DAB2IP: variants seen among roughly 807,000 people sequenced by gnomAD.
DAB2IP encodes the protein disabled homolog 2-interacting protein.
In DAB2IP, 28 loss-of-function variants were observed where a neutral mutation model predicts 107.2. The ratio of observed to expected loss-of-function variants is 0.26; its 90% CI spans 0.19 to 0.36. DAB2IP has a LOEUF of 0.36. DAB2IP is among the 10% of genes least tolerant of loss of function. The probability of loss-of-function intolerance (pLI) is 1.00; values close to 1 mark genes in which losing one functional copy is unlikely to be tolerated. For synonymous variants in DAB2IP, 755 were observed against 706.4 expected (o/e 1.07, Z -1.09); for missense variants, 1,400 against 1,644.7 (o/e 0.85, Z 2.57).
chr9:121,666,309 T>C (rs1833420330), intron 1 of DAB2IP, among the ~76,000 whole-genome samples: 1 of 152,234 alleles, frequency 6.6e-6, no homozygotes, highest in African/African-American at 2.4e-5. Context: ...ATTAATCACA[T>C]CTGCAAAGTC....
chr9:121,708,086 G>A (rs1443951723), intron 3 of DAB2IP, among the ~76,000 whole-genome samples: 1 of 152,214 alleles, frequency 6.6e-6, no homozygotes, highest in Non-Finnish European at 1.5e-5. Context: ...TGGGTGGGGT[G>A]GTCTTGCTTC....
intron 1 of DAB2IP, among the ~76,000 whole-genome samples, chr9:121,652,166 G>C (rs113561460): frequency 2.9e-4 from 44 of 152,282 alleles, no homozygotes; most frequent in African/African-American, 1.1e-3. Flanking sequence ...TCTCAGATCA[G>C]ACCTCCTACC....
At chr9:121,761,308 C>A (rs1833871899) in intron 6 of DAB2IP, among the ~76,000 whole-genome samples, 1 of 152,260 alleles carries the variant, frequency 6.6e-6, no homozygotes, top group Non-Finnish European at 1.5e-5. Flanking sequence ...CTTGAGGCCT[C>A]TGCAGCGTGG....
intron 3 of DAB2IP, among the ~76,000 whole-genome samples, chr9:121,754,172 C>CTAA (rs1833318232): frequency 6.6e-6 from 1 of 152,120 alleles, no homozygotes. Context: ...CTTCCTTAGC[C>CTAA]CCCTCATCTT....
chr9:121,768,133 G>A (rs1392368669), intron 9 of DAB2IP, among the ~76,000 whole-genome samples: 1 of 152,184 alleles, frequency 6.6e-6, no homozygotes, highest in Non-Finnish European at 1.5e-5. Flanking sequence ...AGCATCATCT[G>A]CATACCAGGG....
At chr9:121,626,655 C>T (rs1285181575) in intron 1 of DAB2IP, among the ~76,000 whole-genome samples, 1 of 151,930 alleles carries the variant, frequency 6.6e-6, no homozygotes, top group Non-Finnish European at 1.5e-5. Context: ...AACTCCTGAT[C>T]TCAGGTGATC....
intron 1 of DAB2IP, among the ~76,000 whole-genome samples, chr9:121,605,299 A>G (rs1564696034): frequency 6.6e-6 from 1 of 152,182 alleles, no homozygotes; most frequent in East Asian, 1.9e-4. Flanking sequence ...GATTACAGGC[A>G]TGAGCCACCA....
At chr9:121,612,519 C>G (rs1438407675) in intron 1 of DAB2IP, among the ~76,000 whole-genome samples, 3 of 152,088 alleles carry the variant, frequency 2.0e-5, no homozygotes, top group Admixed American at 6.5e-5. Context: ...CCACAGTCCC[C>G]GTGAGCTTGT....
At chr9:121,568,932 G>T (rs1252234949) in intron 1 of DAB2IP, among the ~76,000 whole-genome samples, 1 of 152,220 alleles carries the variant, frequency 6.6e-6, no homozygotes, top group African/African-American at 2.4e-5. Context: ...CCTTGTCCTG[G>T]CCTGTCACGA....
intron 1 of DAB2IP, among the ~76,000 whole-genome samples, chr9:121,604,427 G>A (rs1184208819): frequency 6.6e-6 from 1 of 152,210 alleles, no homozygotes; most frequent in Non-Finnish European, 1.5e-5. Context: ...TTACTGTCAT[G>A]TGAGTGACTT....
chr9:121,747,278 G>A (rs1217668282), intron 3 of DAB2IP, among the ~76,000 whole-genome samples: 1 of 151,958 alleles, frequency 6.6e-6, no homozygotes, highest in African/African-American at 2.4e-5. Flanking sequence ...GGCAGGGGCA[G>A]CTAGCCCACA....
At chr9:121,605,570 C>T (rs556788210) in intron 1 of DAB2IP, among the ~76,000 whole-genome samples, 3 of 152,276 alleles carry the variant, frequency 2.0e-5, no homozygotes, top group Non-Finnish European at 2.9e-5. Flanking sequence ...ATGATCTTGG[C>T]TGACTGCAAC....
At chr9:121,570,963 C>T (rs1222600362) in intron 1 of DAB2IP, among the ~76,000 whole-genome samples, 1 of 152,062 alleles carries the variant, frequency 6.6e-6, no homozygotes, top group Admixed American at 6.5e-5. Flanking sequence ...TGCCTGCCTC[C>T]TCTGCTCCTT....
chr9:121,626,393 G>A (rs936933937), intron 1 of DAB2IP, among the ~76,000 whole-genome samples: 1 of 149,354 alleles, frequency 6.7e-6, no homozygotes, highest in South Asian at 2.1e-4. Flanking sequence ...GGGCAGACGA[G>A]ATAGTGTAGA....
At chr9:121,750,323 G>A (rs981521947) in intron 3 of DAB2IP, among the ~76,000 whole-genome samples, 27 of 151,812 alleles carry the variant, frequency 1.8e-4, no homozygotes, top group African/African-American at 5.3e-4. Flanking sequence ...ACTTGTGTGC[G>A]CGCGCGCGTG....
intron 1 of DAB2IP, among the ~76,000 whole-genome samples, chr9:121,640,174 G>A (rs1478649422): frequency 6.6e-6 from 1 of 152,134 alleles, no homozygotes; most frequent in Non-Finnish European, 1.5e-5. Context: ...CTGGGGCAAG[G>A]GGTACTTTAT....
chr9:121,683,989 G>A (rs966301970), intron 2 of DAB2IP, among the ~76,000 whole-genome samples: 1 of 152,100 alleles, frequency 6.6e-6, no homozygotes, highest in South Asian at 2.1e-4. Context: ...TTCCCCTGCA[G>A]GATACAAGAA....
intron 1 of DAB2IP, among the ~76,000 whole-genome samples, chr9:121,607,790 G>A (rs143357993): frequency 1.3e-5 from 2 of 152,346 alleles, no homozygotes; most frequent in African/African-American, 4.8e-5. Flanking sequence ...ATGTGAATAA[G>A]TAAATAAATA....
exon 16 of DAB2IP, chr9:121,783,337 G>A (rs1409328167): frequency 5.5e-6 from 8 of 1,445,422 alleles, no homozygotes; most frequent in African/African-American, 1.4e-5. Context: ...GGCGGATCTG[G>A]CCAGATGGCT....
Sources: allele counts gnomAD v4.1 joint callset (sites outside exome capture counted in the v4.1 genomes callset), GRCh38; gene constraint gnomAD v4.1.1; transcripts MANE v1.5; gene names NCBI Gene and HGNC (gene_info 2026-07-23, HGNC 2026-07-21).